SGCZ: variants seen among roughly 807,000 people sequenced by gnomAD.
SGCZ encodes zeta-sarcoglycan.
In SGCZ, 40 loss-of-function variants were observed where a neutral mutation model predicts 41.3. That is an observed-to-expected ratio of 0.97 (90% CI 0.75 to 1.26). The LOEUF (loss-of-function observed/expected upper bound fraction) is 1.26, where lower values mean the gene tolerates loss of function less well. Among genes scored for constraint, SGCZ ranks in the 50% most tolerant of loss-of-function variants. SGCZ has a pLI of 0.00. For synonymous variants in SGCZ, 206 were observed against 137.5 expected (o/e 1.50, Z -3.49); for missense variants, 552 against 369.8 (o/e 1.49, Z -4.04).
chr8:14,609,100 T>C (rs1375837538), intron 1 of SGCZ, among the ~76,000 whole-genome samples: 2 of 152,190 alleles, frequency 1.3e-5, no homozygotes, highest in South Asian at 2.1e-4. Flanking sequence ...ACCTTTTAGT[T>C]AATTATGCAT....
At chr8:14,595,046 T>A (rs1464507643) in intron 1 of SGCZ, among the ~76,000 whole-genome samples, 4 of 152,076 alleles carry the variant, frequency 2.6e-5, no homozygotes, top group Non-Finnish European at 5.9e-5. Context: ...CTTTTTGAAT[T>A]ATAGAAATGG....
chr8:14,508,119 CA>C (rs1802362726), intron 2 of SGCZ, among the ~76,000 whole-genome samples: 1 of 152,068 alleles, frequency 6.6e-6, no homozygotes, highest in Non-Finnish European at 1.5e-5. Flanking sequence ...ATTTGAACTG[CA>C]ATCCCTTGCC....
intron 1 of SGCZ, among the ~76,000 whole-genome samples, chr8:14,578,085 C>T (rs1804771152): frequency 6.6e-6 from 1 of 152,162 alleles, no homozygotes; most frequent in Non-Finnish European, 1.5e-5. Flanking sequence ...CCACCTTGAA[C>T]ATTGAGGCCT....
chr8:15,005,328 C>CTTTTTTTTTT (rs10603664), intron 1 of SGCZ, among the ~76,000 whole-genome samples: 4 of 78,724 alleles, frequency 5.1e-5, no homozygotes, highest in Admixed American at 1.4e-4. Flanking sequence ...TTTTCTTTTT[C>CTTTTTTTTTT]TTTTTTTTTT....
intron 1 of SGCZ, among the ~76,000 whole-genome samples, chr8:14,769,710 A>T (rs1800166109): frequency 1.3e-5 from 2 of 148,950 alleles, no homozygotes. Context: ...GAGAATCATC[A>T]CTTAAACCTG....
intron 1 of SGCZ, among the ~76,000 whole-genome samples, chr8:14,955,790 C>T (rs1303843042): frequency 1.3e-5 from 2 of 151,886 alleles, no homozygotes; most frequent in African/African-American, 4.8e-5. Flanking sequence ...TCATGTATAT[C>T]AACTCAAAAC....
At chr8:15,102,315 GTAAAAC>G (rs1806645598) in intron 1 of SGCZ, among the ~76,000 whole-genome samples, 1 of 152,160 alleles carries the variant, frequency 6.6e-6, no homozygotes, top group Non-Finnish European at 1.5e-5. Flanking sequence ...TCTGGAAAAG[GTAAAAC>G]TATGTGGAGA....
chr8:14,182,048 C>G (rs553085005), intron 4 of SGCZ, among the ~76,000 whole-genome samples: 1 of 152,272 alleles, frequency 6.6e-6, no homozygotes, highest in African/African-American at 2.4e-5. Context: ...GTTAGTTTCT[C>G]CTTTGCATGC....
chr8:14,340,059 G>C (rs185829638), intron 2 of SGCZ, among the ~76,000 whole-genome samples: 2 of 152,180 alleles, frequency 1.3e-5, no homozygotes, highest in Admixed American at 6.5e-5. Flanking sequence ...TTCTACACGT[G>C]AAGTTAAAAA....
chr8:14,929,738 G>T (rs994773446), intron 1 of SGCZ, among the ~76,000 whole-genome samples: 1 of 151,954 alleles, frequency 6.6e-6, no homozygotes, highest in African/African-American at 2.4e-5. Flanking sequence ...ATGAATGCAG[G>T]TTTTCATGGG....
intron 1 of SGCZ, among the ~76,000 whole-genome samples, chr8:14,678,160 C>T (rs1808334247): frequency 6.6e-6 from 1 of 152,026 alleles, no homozygotes; most frequent in African/African-American, 2.4e-5. Context: ...ACAACAAAGA[C>T]ATAATCCATG....
chr8:14,667,847 T>C (rs1460919606), intron 1 of SGCZ, among the ~76,000 whole-genome samples: 2 of 152,178 alleles, frequency 1.3e-5, no homozygotes, highest in Non-Finnish European at 2.9e-5. Flanking sequence ...AGAATATTAT[T>C]GCTAAAATAA....
intron 1 of SGCZ, among the ~76,000 whole-genome samples, chr8:14,984,253 C>A (rs12681103): frequency 0.19 from 28,776 of 152,094 alleles, 3,422 homozygotes; most frequent in East Asian, 0.43. Flanking sequence ...ATTTCATCTG[C>A]AACCATTTCA....
intron 1 of SGCZ, among the ~76,000 whole-genome samples, chr8:14,693,851 C>G (rs1404287416): frequency 1.3e-5 from 2 of 152,068 alleles, no homozygotes; most frequent in African/African-American, 4.8e-5. Context: ...CTCAGCCTCC[C>G]AAAGTGCTGG....
At chr8:14,560,976 C>T (rs1367277692) in intron 1 of SGCZ, among the ~76,000 whole-genome samples, 1 of 152,094 alleles carries the variant, frequency 6.6e-6, no homozygotes, top group Non-Finnish European at 1.5e-5. Flanking sequence ...AAATTGTCTT[C>T]ATCACAAAAT....
intron 2 of SGCZ, among the ~76,000 whole-genome samples, chr8:14,532,260 A>G (rs763999942): frequency 1.8e-4 from 27 of 152,018 alleles, no homozygotes; most frequent in Non-Finnish European, 3.4e-4. Flanking sequence ...AAAAATTTCA[A>G]TTGCAAGAAT....
intron 5 of SGCZ, among the ~76,000 whole-genome samples, chr8:14,121,311 T>A (rs1802689133): frequency 1.3e-5 from 2 of 152,106 alleles, no homozygotes; most frequent in Admixed American, 1.3e-4. Flanking sequence ...ATAGCTGAGA[T>A]AAAATGTTAT....
chr8:15,080,455 G>A (rs372092025), intron 1 of SGCZ, among the ~76,000 whole-genome samples: 5 of 152,202 alleles, frequency 3.3e-5, no homozygotes, highest in Admixed American at 1.3e-4. Context: ...ACTGAATTGT[G>A]CACCCCCAAC....
intron 1 of SGCZ, among the ~76,000 whole-genome samples, chr8:14,563,829 A>T (rs1274169266): frequency 6.6e-6 from 1 of 152,204 alleles, no homozygotes; most frequent in Non-Finnish European, 1.5e-5. Context: ...TAGTCAAAAG[A>T]TAAAGTCAAA....
Sources: gnomAD v4.1 joint callset for allele counts (sites outside exome capture counted in the v4.1 genomes callset) on GRCh38, gnomAD v4.1.1 for gene constraint, MANE v1.5 for transcripts, NCBI Gene and HGNC (gene_info 2026-07-23, HGNC 2026-07-21) for gene names.